BCAS3: variants seen among roughly 807,000 people sequenced by gnomAD.
BCAS3 encodes BCAS3 microtubule associated cell migration factor, also known as BCAS4/BCAS3 fusion.
BCAS3 carries 53 observed loss-of-function variants against 116.1 expected under a neutral mutation model. The ratio of observed to expected loss-of-function variants is 0.46; its 90% CI spans 0.37 to 0.57. The LOEUF is 0.57. Among genes scored for constraint, BCAS3 ranks in the 20% least tolerant of loss-of-function variants. BCAS3 has a pLI of 0.00. For missense variants in BCAS3, 917 were observed against 1,165.4 expected, an observed-to-expected ratio of 0.79 and a Z score of 3.10; for synonymous variants, 391 against 408.2, an observed-to-expected ratio of 0.96 and a Z score of 0.51.
intron 5 of BCAS3, among the ~76,000 whole-genome samples, chr17:60,723,190 T>A (rs2039436929): frequency 6.6e-6 from 1 of 152,188 alleles, no homozygotes; most frequent in Admixed American, 6.6e-5. Context: ...AGTCTCTGTA[T>A]CTATGCATAT....
At chr17:60,914,047 A>G (rs2058653004) in intron 12 of BCAS3, among the ~76,000 whole-genome samples, 1 of 152,184 alleles carries the variant, frequency 6.6e-6, no homozygotes, top group African/African-American at 2.4e-5. Flanking sequence ...TGCCTGGAGA[A>G]CAAGTGTTAT....
rs869090870 is a variant in BCAS3, at chr17:61,059,063, C to CTTTTTTTT, written c.2030-15827_2030-15820dup. ...TCCCCGAACTCTTTTTTCTCCCCAT[C>CTTTTTTTT]TTTTTTTTTTTTTTTTTTTTTTTTT... On this transcript the variant is annotated intron_variant, in intron 19 of 23. Transcript: ENST00000407086. Among the ~76,000 whole-genome samples, 264 of 32,804 alleles carry CTTTTTTTT rather than the reference C, an allele frequency of 8.0e-3. 56 individuals carry two copies. Among genetic ancestry groups the CTTTTTTTT allele is most frequent in the Non-Finnish European group, 9.2e-3 (145 of 15,842 alleles). 21.5% of individuals were successfully genotyped at this position (32,804 alleles called of 152,430 possible).
rs187502869 is a variant in BCAS3 at position 61,243,252 on chromosome 17, A to G, written c.2426-125075A>G. ...TCTACACTGTGATGAGTATGGAGAT[A>G]CGTATATACCTATCCATCACCTCCA... On this transcript the variant is annotated intron_variant, in intron 22 of 23. Coordinates refer to ENST00000407086, the MANE Select transcript of BCAS3 (RefSeq NM_017679.5). This position sits in a 1 kb window ranked among gnomAD's most constrained non-coding sequence, Gnocchi z 5.6. 3.3e-4 allele frequency among the ~76,000 whole-genome samples: 51 copies of G among 152,328 alleles called. No individual in the cohort carries two copies. The highest frequency in any genetic ancestry group is 1.2e-3 in the African/African-American group (49 of 41,588).
intron 18 of BCAS3, 65 bp from the exon 19 acceptor site, chr17:61,040,727 A>G (rs1368682056): frequency 6.2e-6 from 8 of 1,288,066 alleles, no homozygotes; most frequent in Non-Finnish European, 7.9e-6. Context: ...AAGTGATGAC[A>G]GTCATGGTGA....
At position 61,249,804 on chromosome 17, in the gene BCAS3, G is replaced by A. The variant is rs1568665699; in HGVS notation, c.2426-118523G>A. Among the ~76,000 whole-genome samples the A allele has an allele frequency of 1.3e-5, 2 of 152,014 alleles. No individual in the cohort carries two copies. The highest frequency in any genetic ancestry group is 1.3e-4 in the Admixed American group (2 of 15,252). On this transcript the variant is annotated intron_variant, in intron 22 of 23. Coordinates refer to ENST00000407086, the MANE Select transcript of BCAS3 (RefSeq NM_017679.5). This position sits in a 1 kb window ranked among gnomAD's most constrained non-coding sequence, Gnocchi z 6.2. Reference sequence around the variant, plus strand: ...CCTTAATCTGTTATCTGTCAAAAGGGAAAAAACTTTCTGTTATCTACCTGA... The same window carrying A: ...CCTTAATCTGTTATCTGTCAAAAGGAAAAAAACTTTCTGTTATCTACCTGA...
At chr17:60,763,407 T>C (rs1428107324) in intron 6 of BCAS3, among the ~76,000 whole-genome samples, 1 of 152,148 alleles carries the variant, frequency 6.6e-6, no homozygotes, top group African/African-American at 2.4e-5. Flanking sequence ...TAGCATGAAG[T>C]GCTGTCGAAT....
Position 60,727,222 on chromosome 17 carries a change from A to T in BCAS3, c.321+17897A>T, listed in dbSNP as rs77167073. 8,569 of 936,716 alleles carry T rather than the reference A, an allele frequency of 9.1e-3. 424 individuals carry two copies. The African/African-American group carries it at 0.11, about 12-fold the overall frequency. The allele number at this position is 936,716 out of a possible 1,614,324, so 58.0% of individuals were successfully genotyped here. A position where few individuals can be genotyped will look rare whatever the true frequency, so the allele number is the denominator to read the frequency against. The stretch of plus-strand genomic sequence containing the variant: ...TATCTCCTCCCGGTTCAAAATGCTT[A>T]CATCTCTGAATGACCACCATCCTCT... On this transcript the variant is annotated intron_variant, in intron 5 of 23. Coordinates refer to ENST00000407086, the MANE Select transcript of BCAS3 (RefSeq NM_017679.5).
chr17:61,364,200 G>T lies in BCAS3; in HGVS notation c.2426-4127G>T, dbSNP rs766118411. Among the ~76,000 whole-genome samples the T allele has an allele frequency of 6.6e-6, 1 of 152,112 alleles. No individual in the cohort carries two copies. Among genetic ancestry groups the T allele is most frequent in the East Asian group, 1.9e-4 (1 of 5,186 alleles). ...AACACTTCTGATATCTCCCATCTTC[G>T]CTCCTCAACTTCCTAGCTGTGCGCA... On this transcript the variant is annotated intron_variant, in intron 22 of 23. Transcript: ENST00000407086. The surrounding 1 kb of genome is among the most constrained non-coding windows in gnomAD (Gnocchi z 5.4).
intron 15 of BCAS3, among the ~76,000 whole-genome samples, chr17:61,000,053 T>C (rs2064132872): frequency 6.6e-6 from 1 of 152,216 alleles, no homozygotes; most frequent in Non-Finnish European, 1.5e-5. Flanking sequence ...GTTTTCTAGG[T>C]ATAGAATCAT....
rs1429037850 is a variant in BCAS3, at chr17:61,281,457, G to T, written c.2426-86870G>T. On this transcript the variant is annotated intron_variant, in intron 22 of 23. Coordinates refer to ENST00000407086, the MANE Select transcript of BCAS3 (RefSeq NM_017679.5). This position sits in a 1 kb window ranked among gnomAD's most constrained non-coding sequence, Gnocchi z 4.2. The stretch of plus-strand genomic sequence containing the variant: ...ATACTAAGTTATACTCCCACCCCCA[G>T]GTATGAGAGTACTTATTTCTCTACG... 6.6e-6 allele frequency among the ~76,000 whole-genome samples: 1 copy of T among 152,078 alleles called. No individual in the cohort carries two copies. Among genetic ancestry groups the T allele is most frequent in the Non-Finnish European group, 1.5e-5 (1 of 68,010 alleles).
At position 61,136,607 on chromosome 17, in the gene BCAS3, TG is replaced by T. The variant is rs1402463629; in HGVS notation, c.2425+52045del. On this transcript the variant is annotated intron_variant, in intron 22 of 23. Coordinates refer to ENST00000407086, the MANE Select transcript of BCAS3 (RefSeq NM_017679.5). This position sits in a 1 kb window ranked among gnomAD's most constrained non-coding sequence, Gnocchi z 4.4. The stretch of plus-strand genomic sequence containing the variant: ...GGAGGCTGGATGTTGTCGCCCAGGC[TG>T]GAGTGCAGTAGCGCGATCTCAGCTC... Among the ~76,000 whole-genome samples the T allele has an allele frequency of 7.9e-5, 12 of 152,338 alleles. No individual in the cohort carries two copies. Among genetic ancestry groups the T allele is most frequent in the African/African-American group, 2.9e-4 (12 of 41,582 alleles).
At chr17:61,115,134 A>G (rs2075345650) in intron 22 of BCAS3, among the ~76,000 whole-genome samples, 1 of 151,494 alleles carries the variant, frequency 6.6e-6, no homozygotes, top group Non-Finnish European at 1.5e-5. Flanking sequence ...AACCATAAAA[A>G]CCCTAGAAGA....
At chr17:60,802,326 ATATATT>A (rs1487743924) in intron 6 of BCAS3, among the ~76,000 whole-genome samples, 1 of 146,520 alleles carries the variant, frequency 6.8e-6, no homozygotes, top group Admixed American at 6.8e-5. Flanking sequence ...ATGCACACAC[ATATATT>A]TATATAAATA....
chr17:61,326,599 C>G lies in BCAS3; in HGVS notation c.2426-41728C>G, dbSNP rs1568858856. Among the ~76,000 whole-genome samples the G allele has an allele frequency of 2.6e-5, 4 of 152,220 alleles. No individual in the cohort carries two copies. Among genetic ancestry groups the G allele is most frequent in the Non-Finnish European group, 5.9e-5 (4 of 67,998 alleles). ...TATTTAGGAGGTAGATTCCACAGGG[C>G]TTTGTTACGGAGTGGACATGGGTGG... On this transcript the variant is annotated intron_variant, in intron 22 of 23. Transcript: ENST00000407086. This position sits in a 1 kb window ranked among gnomAD's most constrained non-coding sequence, Gnocchi z 5.3.
chr17:61,174,386 A>C (rs2079021929), intron 22 of BCAS3, among the ~76,000 whole-genome samples: 1 of 152,210 alleles, frequency 6.6e-6, no homozygotes. Flanking sequence ...TTGTTTATCA[A>C]ATCTGCACAT....
rs1188742895 is a variant in BCAS3, at chr17:61,261,233, G to C, written c.2426-107094G>C. ...GGTGGACAGGGAAAGAAGGTTTGAT[G>C]GCAGTTATTAAACACTGATTCAAGA... On this transcript the variant is annotated intron_variant, in intron 22 of 23. Transcript: ENST00000407086. The surrounding 1 kb of genome is among the most constrained non-coding windows in gnomAD (Gnocchi z 4.4). Among the ~76,000 whole-genome samples, 1 of 152,162 alleles carries C rather than the reference G, an allele frequency of 6.6e-6. No homozygotes were observed. Among genetic ancestry groups the C allele is most frequent in the African/African-American group, 2.4e-5 (1 of 41,446 alleles).
intron 22 of BCAS3, among the ~76,000 whole-genome samples, chr17:61,115,476 A>T (rs1380014600): frequency 1.0e-3 from 145 of 142,208 alleles, no homozygotes; most frequent in Non-Finnish European, 1.8e-3. Flanking sequence ...TGCAGCCAAA[A>T]AACACATGAA....
Position 61,052,185 on chromosome 17 carries a change from C to T in BCAS3, c.2029+11293C>T, listed in dbSNP as rs188116080. On this transcript the variant is annotated intron_variant, in intron 19 of 23. Transcript: ENST00000407086. ...CTTTTTTGGACCCCAGTTTTATTTA[C>T]GTTGACCACTTGGTACTTTCCCAGC... Among the ~76,000 whole-genome samples the T allele has an allele frequency of 1.7e-3, 261 of 151,952 alleles. 1 individual carries two copies. Among genetic ancestry groups the T allele is most frequent in the African/African-American group, 5.4e-3 (223 of 41,436 alleles).
chr17:61,308,714 T>C (rs2054059937), intron 22 of BCAS3, among the ~76,000 whole-genome samples: 1 of 152,172 alleles, frequency 6.6e-6, no homozygotes, highest in East Asian at 1.9e-4. Context: ...TAACTTGGCA[T>C]GAGTTCCCAT....
Sources: allele counts gnomAD v4.1 joint callset (sites outside exome capture counted in the v4.1 genomes callset), GRCh38; gene constraint gnomAD v4.1.1; non-coding constraint Gnocchi (gnomAD v3.1); transcripts MANE v1.5; gene names NCBI Gene and HGNC (gene_info 2026-07-23, HGNC 2026-07-21).